DNAH11: variants seen among roughly 807,000 people sequenced by gnomAD.
The protein encoded by DNAH11 is dynein axonemal heavy chain 11.
A neutral mutation model predicts 526.0 loss-of-function variants in DNAH11; 442 were observed. The ratio of observed to expected loss-of-function variants is 0.84; its 90% CI spans 0.78 to 0.91. The LOEUF (loss-of-function observed/expected upper bound fraction) is 0.91, where lower values mean the gene tolerates loss of function less well. Among genes scored for constraint, DNAH11 ranks in the 40% least tolerant of loss-of-function variants. The pLI, the probability that DNAH11 is intolerant of heterozygous loss-of-function variation, is 0.00. For synonymous variants in DNAH11, 2,461 were observed against 1,935.9 expected (o/e 1.27, Z -7.12); for missense variants, 6,989 against 5,448.7 (o/e 1.28, Z -8.90).
chr7:21,576,629 A>T (rs555213444), intron 8 of DNAH11, among the ~76,000 whole-genome samples: 4 of 152,318 alleles, frequency 2.6e-5, no homozygotes, highest in South Asian at 4.1e-4. Context: ...TTTTAGGCCA[A>T]AGCATTTTGT....
chr7:21,622,848 C>T (rs1198473618), intron 25 of DNAH11, among the ~76,000 whole-genome samples: 2 of 152,280 alleles, frequency 1.3e-5, no homozygotes, highest in Admixed American at 1.3e-4. Context: ...AACGTTAGAT[C>T]TAAAACCATA....
intron 30 of DNAH11, among the ~76,000 whole-genome samples, chr7:21,672,406 C>G (rs1255890777): frequency 1.3e-5 from 2 of 152,188 alleles, no homozygotes; most frequent in Non-Finnish European, 2.9e-5. Flanking sequence ...CTGCCTCAGC[C>G]TCCCAAGTAG....
Position 21,701,123 on chromosome 7 carries a change from A to T in DNAH11, c.6181-1587A>T, listed in dbSNP as rs1583607095. Among the ~76,000 whole-genome samples, 7 of 151,160 alleles carry T rather than the reference A, an allele frequency of 4.6e-5. No homozygotes were observed. In the South Asian group the frequency reaches 1.5e-3, roughly 32 times the overall value. ...AAACAACAACAACAACAACAACAAA[A>T]CCTCTGGTTCTTTCCCCTCCCTTTC... is the stretch of plus-strand genomic sequence containing the variant. On this transcript the variant is annotated intron_variant, in intron 36 of 81. Transcript: ENST00000409508.
chr7:21,735,364 C>T (rs779217561), intron 45 of DNAH11, among the ~76,000 whole-genome samples: 4 of 152,142 alleles, frequency 2.6e-5, no homozygotes, highest in Admixed American at 1.3e-4. Flanking sequence ...GGGGCTAGTA[C>T]TTAATTTGGA....
chr7:21,757,315 T>C lies in DNAH11; in HGVS notation c.8940+6951T>C, dbSNP rs972423363. On this transcript the variant is annotated intron_variant, in intron 54 of 81. Transcript: ENST00000409508. ...TATGCAATGGGAATGCCATTAACTT[T>C]CCATCATTGAGTATGGGATGAAATG... Among the ~76,000 whole-genome samples, 24 of 152,244 alleles carry C rather than the reference T, an allele frequency of 1.6e-4. 1 individual carries two copies. The highest frequency in any genetic ancestry group is 9.6e-5 in the African/African-American group (4 of 41,458).
intron 61 of DNAH11, 145 bp from the exon 62 acceptor site, chr7:21,800,992 C>G: frequency 1.2e-6 from 1 of 809,374 alleles, no homozygotes; most frequent in East Asian, 2.7e-5. Flanking sequence ...TTCCTTCTTC[C>G]CTAAAATACG....
chr7:21,550,418 C>T (rs115636526), intron 2 of DNAH11, among the ~76,000 whole-genome samples: 2,114 of 152,176 alleles, frequency 0.014, 46 homozygotes, highest in African/African-American at 0.048. Flanking sequence ...AAGAATTGAT[C>T]CTTGGTTTCC....
chr7:21,888,636 T>C (rs1171426741), intron 76 of DNAH11, among the ~76,000 whole-genome samples: 2 of 152,200 alleles, frequency 1.3e-5, no homozygotes, highest in South Asian at 4.2e-4. Flanking sequence ...ATTACAGGCA[T>C]GTGCCACCAC....
Position 21,741,996 on chromosome 7 carries a change from T to A in DNAH11, c.7984T>A (p.Phe2662Ile). Residue 2662 changes from phenylalanine to isoleucine, a missense_variant, in exon 49 of 82, where the codon TTT (phenylalanine) becomes ATT (isoleucine). Transcript: ENST00000409508. ...DALNTIYGQI[F>I]SFHFQQQAFA... ...ACTAAACACCATCTATGGCCAAATCTTTAGCTTCCATTTCCAACAGCAAGC... is the reference window on the plus strand; with the variant it reads ...ACTAAACACCATCTATGGCCAAATCATTAGCTTCCATTTCCAACAGCAAGC... 1.2e-6 allele frequency: 2 copies of A among 1,613,992 alleles called. No homozygotes were observed. Among genetic ancestry groups the A allele is most frequent in the Non-Finnish European group, 8.5e-7 (1 of 1,179,876 alleles).
At chr7:21,671,608 C>G (rs1272712829) in intron 30 of DNAH11, among the ~76,000 whole-genome samples, 2 of 151,812 alleles carry the variant, frequency 1.3e-5, no homozygotes, top group Non-Finnish European at 2.9e-5. Flanking sequence ...AAGAACTAAT[C>G]TTTGACGTTA....
At chr7:21,829,679 A>G (rs1413107108) in intron 65 of DNAH11, among the ~76,000 whole-genome samples, 3 of 152,222 alleles carry the variant, frequency 2.0e-5, no homozygotes, top group African/African-American at 7.2e-5. Flanking sequence ...GACATTTCCA[A>G]CAGTAACTAT....
chr7:21,598,042 C>T (rs914563418), intron 14 of DNAH11, among the ~76,000 whole-genome samples: 3 of 152,142 alleles, frequency 2.0e-5, no homozygotes, highest in Non-Finnish European at 4.4e-5. Flanking sequence ...TCTCATCTCT[C>T]CCCTGCCTTA....
At position 21,624,872 on chromosome 7, in the gene DNAH11, C is replaced by G. The variant is rs113353082; in HGVS notation, c.4500+4794C>G. On this transcript the variant is annotated intron_variant, in intron 25 of 81. Transcript: ENST00000409508. ...TTATTGATTTGCATATTCTTGCATT[C>G]CTGAGATAAATCCCACTTGATCATG... 1.6e-3 allele frequency among the ~76,000 whole-genome samples: 237 copies of G among 152,114 alleles called. 1 individual carries two copies. The highest frequency in any genetic ancestry group is 5.5e-3 in the African/African-American group (230 of 41,504).
chr7:21,744,378 C>T, intron 49 of DNAH11, 60 bp from the exon 50 acceptor site: 1 of 1,554,242 alleles, frequency 6.4e-7, no homozygotes, highest in East Asian at 2.3e-5. Flanking sequence ...AAGTGTTAAA[C>T]TCATTTGACA....
In DNAH11 at chr7:21,658,714, T is replaced by C. The variant is rs548051661; in HGVS notation, c.5095-84T>C. On this transcript the variant is annotated intron_variant, in intron 29 of 81. Coordinates refer to ENST00000409508, the MANE Select transcript of DNAH11 (RefSeq NM_001277115.2). The stretch of plus-strand genomic sequence containing the variant: ...TGAATCCACCTGGGGCATTACCCTC[T>C]GCGTGGCCTTAGAGCCAGTAGGAGG... The C allele has an allele frequency of 4.9e-4, 571 of 1,171,352 alleles. 9 individuals carry two copies. In the South Asian group the frequency reaches 8.9e-3, roughly 18 times the overall value. The allele number at this position is 1,171,352 out of a possible 1,614,324, so 72.6% of individuals were successfully genotyped here.
chr7:21,589,932 C>T (rs1272685463), intron 12 of DNAH11, among the ~76,000 whole-genome samples: 2 of 151,856 alleles, frequency 1.3e-5, no homozygotes, highest in Non-Finnish European at 2.9e-5. Context: ...TTCAAAGGGA[C>T]AATAAGCTTG....
chr7:21,796,013 A>G (rs1788699044), intron 61 of DNAH11, among the ~76,000 whole-genome samples: 1 of 152,076 alleles, frequency 6.6e-6, no homozygotes, highest in African/African-American at 2.4e-5. Context: ...GTAGAGTATA[A>G]ATGTCAGTGT....
chr7:21,545,666 C>A (rs1782780905), intron 2 of DNAH11, among the ~76,000 whole-genome samples: 1 of 152,120 alleles, frequency 6.6e-6, no homozygotes, highest in African/African-American at 2.4e-5. Context: ...TCTTTTTCTC[C>A]TCTTAAAATA....
intron 65 of DNAH11, among the ~76,000 whole-genome samples, chr7:21,823,638 T>G (rs1790148860): frequency 6.6e-6 from 1 of 152,182 alleles, no homozygotes; most frequent in African/African-American, 2.4e-5. Context: ...TATAATAAGT[T>G]CTTTATGCAT....
Sources: allele counts gnomAD v4.1 joint callset (sites outside exome capture counted in the v4.1 genomes callset), GRCh38; gene constraint gnomAD v4.1.1; transcripts MANE v1.5; gene names NCBI Gene and HGNC (gene_info 2026-07-23, HGNC 2026-07-21).